FAM50B: variants seen among roughly 807,000 people sequenced by gnomAD.
FAM50B encodes the protein family with sequence similarity 50 member B, also known as protein FAM50B.
In FAM50B, 9 loss-of-function variants were observed where a neutral mutation model predicts 25.4. The ratio of observed to expected loss-of-function variants is 0.35; its 90% CI spans 0.21 to 0.62. The LOEUF (loss-of-function observed/expected upper bound fraction) is 0.62. Ranked by LOEUF, FAM50B falls within the 20% of genes least tolerant of loss-of-function variation. The probability of loss-of-function intolerance (pLI) is 0.73; values close to 1 mark genes in which losing one functional copy is unlikely to be tolerated. For synonymous variants in FAM50B, 212 were observed against 204.3 expected (o/e 1.04, Z -0.32); for missense variants, 372 against 477.9 (o/e 0.78, Z 2.07).
At chr6:3,835,060 T>A in the FAM50B span, among the ~76,000 whole-genome samples, 1 of 152,346 alleles carries the variant, frequency 6.6e-6, no homozygotes, top group East Asian at 1.9e-4. Context: ...TTGGGTAATC[T>A]GTGGCCCCCT....
chr6:3,834,359 C>CAAAAAAAAAAAAAAAAAAAGGA, the FAM50B span, among the ~76,000 whole-genome samples: 2 of 75,044 alleles, frequency 2.7e-5, no homozygotes, highest in Admixed American at 1.5e-4. Flanking sequence ...TGATATATGG[C>CAAAAAAAAAAAAAAAAAAAGGA]AAAAAAAAAA....
At chr6:3,837,776 G>A in the FAM50B span, among the ~76,000 whole-genome samples, 1 of 139,634 alleles carries the variant, frequency 7.2e-6, no homozygotes, top group African/African-American at 2.6e-5. Flanking sequence ...ACAAGAGAGA[G>A]CTGAACTGGC....
At chr6:3,836,263 G>A in the FAM50B span, among the ~76,000 whole-genome samples, 3 of 152,178 alleles carry the variant, frequency 2.0e-5, no homozygotes, top group Non-Finnish European at 4.4e-5. Flanking sequence ...GGCAATTCTT[G>A]TATAGAGAAT....
chr6:3,845,695 C>T (rs963287696), upstream of FAM50B, among the ~76,000 whole-genome samples: 4 of 151,972 alleles, frequency 2.6e-5, no homozygotes, highest in Admixed American at 6.6e-5. Flanking sequence ...AGAAAGAGTA[C>T]GTCCAGAGGT....
the FAM50B span, among the ~76,000 whole-genome samples, chr6:3,836,133 G>C: frequency 3.3e-5 from 5 of 152,064 alleles, no homozygotes; most frequent in African/African-American, 1.2e-4. Context: ...CCCTGCAGCA[G>C]AAAAAAATAA....
chr6:3,843,304 T>A, the FAM50B span, among the ~76,000 whole-genome samples: 2 of 152,202 alleles, frequency 1.3e-5, no homozygotes, highest in Non-Finnish European at 2.9e-5. Context: ...CTGGAGGTGG[T>A]TGCCTCCAGG....
the FAM50B span, among the ~76,000 whole-genome samples, chr6:3,836,076 TATTC>T: frequency 0.035 from 5,288 of 152,310 alleles, 286 homozygotes; most frequent in African/African-American, 0.12. Flanking sequence ...TTCGTTCATC[TATTC>T]ATTCATTCAT....
At position 3,850,576 on chromosome 6, in the gene FAM50B, C is replaced by T. The variant is rs1762203256; in HGVS notation, c.765C>T (p.Ile255=). The T allele has an allele frequency of 6.2e-7, 1 of 1,613,998 alleles. No homozygotes were observed. Among genetic ancestry groups the T allele is most frequent in the Admixed American group, 1.7e-5 (1 of 60,012 alleles). ...PHYHTFYDFI[I]ARARGKSGPL... ...ACCACACCTTCTACGACTTCATCAT[C>T]GCCAGGGCGAGGGGCAAGAGCGGGC... The change falls in exon 2 of 2, where the codon ATC becomes ATT. Residue 255 remains isoleucine (I), a synonymous_variant. Transcript: ENST00000648326.
chr6:3,842,160 A>G, the FAM50B span, among the ~76,000 whole-genome samples: 1 of 152,276 alleles, frequency 6.6e-6, no homozygotes, highest in Non-Finnish European at 1.5e-5. Flanking sequence ...AAGAGCACAG[A>G]GGTGTTTAGA....
chr6:3,840,607 C>T, the FAM50B span, among the ~76,000 whole-genome samples: 1 of 152,192 alleles, frequency 6.6e-6, no homozygotes, highest in Non-Finnish European at 1.5e-5. Context: ...ACTCAAAGGC[C>T]GGAACACGTT....
At chr6:3,847,039 G>A (rs1762131825), upstream of FAM50B, among the ~76,000 whole-genome samples, 1 of 152,220 alleles carries the variant, frequency 6.6e-6, no homozygotes, top group Non-Finnish European at 1.5e-5. Flanking sequence ...AAACAGATGT[G>A]CTGTCCTCCA....
the FAM50B span, among the ~76,000 whole-genome samples, chr6:3,833,362 C>G: frequency 2.0e-5 from 3 of 152,146 alleles, no homozygotes; most frequent in African/African-American, 7.2e-5. Context: ...TCAGTATCCT[C>G]GTCTGTAAGA....
At chr6:3,836,272 A>G in the FAM50B span, among the ~76,000 whole-genome samples, 1 of 152,214 alleles carries the variant, frequency 6.6e-6, no homozygotes, top group African/African-American at 2.4e-5. Flanking sequence ...TGTATAGAGA[A>G]TTACTATATC....
the FAM50B span, among the ~76,000 whole-genome samples, chr6:3,832,803 A>G: frequency 0.015 from 2,216 of 152,176 alleles, 55 homozygotes; most frequent in African/African-American, 0.051. Flanking sequence ...AAGAGCATCA[A>G]ATCTTCATGG....
the FAM50B span, among the ~76,000 whole-genome samples, chr6:3,839,131 G>T: frequency 8.6e-5 from 13 of 151,660 alleles, no homozygotes; most frequent in Non-Finnish European, 1.3e-4. Context: ...AATAAGCATG[G>T]CATGAGCATC....
rs760539577 is a variant in FAM50B at position 3,850,217 on chromosome 6, G to A, written c.406G>A (p.Ala136Thr). 3.1e-6 allele frequency: 5 copies of A among 1,613,294 alleles called. No homozygotes were observed. The South Asian group carries it at 4.4e-5, about 14-fold the overall frequency. ...DLDDQADAAE[A>T]RRAGNLGKNP... ...CGATGACCAGGCCGACGCGGCCGAG[G>A]CCAGGCGCGCCGGAAACCTGGGCAA... The change falls in exon 2 of 2, where the codon GCC (alanine) becomes ACC (threonine). Residue 136 changes from alanine to threonine, a missense_variant. By Grantham distance (58) the Ala-to-Thr change is moderately conservative. This residue lies in a region of FAM50B where 224 missense variants were observed against 232.2 expected (regional missense o/e 0.96). Transcript: ENST00000648326.
chr6:3,850,351 G>T lies in FAM50B; in HGVS notation c.540G>T (p.Val180=). Residue 180 remains valine, a synonymous_variant, in exon 2 of 2, where the codon GTG becomes GTT. Coordinates refer to ENST00000648326, the MANE Select transcript of FAM50B (RefSeq NM_012135.3). ...RQEWEAQREK[V]KDEEMEVTFS... Reference sequence around the variant, plus strand: ...AGTGGGAGGCGCAGCGCGAGAAAGTGAAGGACGAGGAGATGGAGGTCACCT... The same window carrying T: ...AGTGGGAGGCGCAGCGCGAGAAAGTTAAGGACGAGGAGATGGAGGTCACCT... 6.2e-7 allele frequency: 1 copy of T among 1,613,396 alleles called. No homozygotes were observed. The highest frequency in any genetic ancestry group is 1.1e-5 in the South Asian group (1 of 91,086).
chr6:3,842,807 A>G, the FAM50B span, among the ~76,000 whole-genome samples: 2 of 152,242 alleles, frequency 1.3e-5, no homozygotes, highest in East Asian at 3.8e-4. Context: ...TATGAAAATA[A>G]CATTTGCTGT....
rs1762211576 is a variant in FAM50B, at chr6:3,850,838, C to T, written c.*49C>T. 1 of 1,586,674 alleles carries T rather than the reference C, an allele frequency of 6.3e-7. No individual in the cohort carries two copies. Among genetic ancestry groups the T allele is most frequent in the African/African-American group, 1.4e-5 (1 of 74,010 alleles). On this transcript the variant is annotated 3_prime_UTR_variant, in exon 2 of 2. Coordinates refer to ENST00000648326, the MANE Select transcript of FAM50B (RefSeq NM_012135.3). ...CGGGGGTGGGGGGAGACACTCATTT[C>T]TAGGCCCCATCACCAGTCACTTGAT...
Sources: allele counts gnomAD v4.1 joint callset (sites outside exome capture counted in the v4.1 genomes callset), GRCh38; gene constraint gnomAD v4.1.1; regional missense constraint gnomAD v4.1.1; transcripts MANE v1.5; gene names NCBI Gene and HGNC (gene_info 2026-07-23, HGNC 2026-07-21).